Variants in AFG3L2 observed in about 807,000 individuals in gnomAD.
AFG3L2 encodes mitochondrial inner membrane m-AAA protease component AFG3L2.
In AFG3L2, 54 loss-of-function variants were observed where a neutral mutation model predicts 94.5. The observed-to-expected ratio is 0.57, with a 90% CI of 0.46 to 0.72. The LOEUF is 0.72. AFG3L2 is among the 30% of genes least tolerant of loss of function. The probability of loss-of-function intolerance (pLI) is 0.00; values close to 1 mark genes in which losing one functional copy is unlikely to be tolerated. For missense variants in AFG3L2, 754 were observed against 994.9 expected, an observed-to-expected ratio of 0.76 and a Z score of 3.26; for synonymous variants, 377 against 365.5, an observed-to-expected ratio of 1.03 and a Z score of -0.36.
At chr18:12,348,214 C>T in intron 13 of AFG3L2, 59 bp downstream of exon 13, 1 of 1,434,148 alleles carries the variant, frequency 7.0e-7, no homozygotes, top group Non-Finnish European at 9.8e-7. Context: ...ACAGAGAAAT[C>T]CCTGGCCTCA....
In AFG3L2 at chr18:12,348,286, T is replaced by C. The variant is rs11553521; in HGVS notation, c.1650A>G (p.Glu550=). 1,248,672 of 1,612,264 alleles carry C rather than the reference T, an allele frequency of 0.77. 486,115 individuals are homozygous for C. Among genetic ancestry groups the C allele is most frequent in the Non-Finnish European group, 0.79 (927,599 of 1,178,452 alleles). Residue 550 remains glutamate (E), a synonymous_variant, in exon 13 of 17, where the codon GAA becomes GAG. Transcript: ENST00000269143. The stretch of plus-strand genomic sequence containing the variant: ...CAGTTTCCTTACCACCAATCACTCG[T>C]TCAATTGCCTGTTCAAAGTGTTTCT... ...INQKHFEQAI[E]RVIGGLEKKT...
intron 6 of AFG3L2, among the ~76,000 whole-genome samples, 188 bp downstream of exon 6, chr18:12,363,594 T>C (rs964156936): frequency 2.6e-5 from 4 of 152,294 alleles, no homozygotes; most frequent in South Asian, 2.1e-4. Context: ...ACCCAATCCC[T>C]ATATCAATAA....
chr18:12,363,391 A>T (rs1908717532), intron 6 of AFG3L2, among the ~76,000 whole-genome samples: 1 of 152,212 alleles, frequency 6.6e-6, no homozygotes, highest in Non-Finnish European at 1.5e-5. Context: ...GATGGTGGGG[A>T]TGCTTTTAAA....
At chr18:12,333,503 A>G (rs898052901) in intron 16 of AFG3L2, among the ~76,000 whole-genome samples, 1 of 150,576 alleles carries the variant, frequency 6.6e-6, no homozygotes, top group Non-Finnish European at 1.5e-5. Flanking sequence ...AGCTGGGACT[A>G]CAGATGCACA....
intron 15 of AFG3L2, 36 bp from the exon 16 acceptor site, chr18:12,337,571 T>C (rs753616024): frequency 1.2e-6 from 2 of 1,605,654 alleles, no homozygotes; most frequent in Non-Finnish European, 1.7e-6. Context: ...TTACATATGA[T>C]TGTTCTTTAA....
intron 1 of AFG3L2, among the ~76,000 whole-genome samples, chr18:12,373,295 G>T (rs1156950777): frequency 6.6e-6 from 1 of 152,156 alleles, no homozygotes; most frequent in Non-Finnish European, 1.5e-5. Context: ...ATCCATTAAG[G>T]GTGTAGATTA....
Position 12,353,012 on chromosome 18 carries a change from C to T in AFG3L2, c.1311G>A (p.Glu437=). ...QENTLNQLLV[E]MDGFNTTTNV... is the part of the protein sequence containing the mutation. ...AAAGCCTTGACCACTCACCATCCAT[C>T]TCCACCAGCAGCTGGTTGAGTGTGT... The change falls in exon 10 of 17, where the codon GAG becomes GAA. Residue 437 remains glutamate, a synonymous_variant. Coordinates refer to ENST00000269143, the MANE Select transcript of AFG3L2 (RefSeq NM_006796.3). 6.2e-7 allele frequency: 1 copy of T among 1,613,928 alleles called. No homozygotes were observed. Among genetic ancestry groups the T allele is most frequent in the South Asian group, 1.1e-5 (1 of 91,072 alleles).
chr18:12,370,914 T>C lies in AFG3L2; in HGVS notation c.227A>G (p.Tyr76Cys). 1 of 1,562,712 alleles carries C rather than the reference T, an allele frequency of 6.4e-7. No homozygotes were observed. Among genetic ancestry groups the C allele is most frequent in the Non-Finnish European group, 8.8e-7 (1 of 1,138,406 alleles). Residue 76 changes from tyrosine to cysteine, a missense_variant, in exon 3 of 17, where the codon TAC becomes TGC. Around this residue, in one of 4 missense-constraint regions of AFG3L2, gnomAD observed 236 missense variants for 214.0 expected, o/e 1.10. Transcript: ENST00000269143. ...CSRPPKGFEK[Y>C]FPNGKNGKKA... ...TTTTCCATTTTTTCCATTAGGAAAG[T>C]ATTTTTCAAATCCTGTTAGAAAAAG...
intron 13 of AFG3L2, among the ~76,000 whole-genome samples, chr18:12,347,547 T>C (rs1426581265): frequency 3.4e-5 from 3 of 88,846 alleles, no homozygotes; most frequent in South Asian, 5.0e-4. Flanking sequence ...TTTTATTTAT[T>C]ATTATTATTT....
At chr18:12,353,601 G>A (rs1439651965) in intron 9 of AFG3L2, among the ~76,000 whole-genome samples, 1 of 151,660 alleles carries the variant, frequency 6.6e-6, no homozygotes, top group Admixed American at 6.6e-5. Flanking sequence ...CACACTGTAA[G>A]GTACATTTTT....
chr18:12,329,432 TC>T lies in AFG3L2; in HGVS notation c.*132del. On this transcript the variant is annotated 3_prime_UTR_variant, in exon 17 of 17. Transcript: ENST00000269143. ...AGGCTGAAAGGACTAAGGACTCCTT[TC>T]CCCATCATTTCAGCTGGGCCAGTGG... The T allele has an allele frequency of 1.0e-6, 1 of 974,106 alleles. No individual in the cohort carries two copies. The highest frequency in any genetic ancestry group is 1.6e-6 in the Non-Finnish European group (1 of 610,534). The allele number at this position is 974,106 out of a possible 1,614,324, so 60.3% of individuals were successfully genotyped here.
chr18:12,333,352 T>TA (rs1907643683), intron 16 of AFG3L2, among the ~76,000 whole-genome samples: 1 of 131,572 alleles, frequency 7.6e-6, no homozygotes, highest in African/African-American at 2.9e-5. Flanking sequence ...TAATATATAA[T>TA]TATATATATA....
chr18:12,345,901 A>G (rs370590928), intron 13 of AFG3L2, among the ~76,000 whole-genome samples: 28 of 152,188 alleles, frequency 1.8e-4, no homozygotes, highest in African/African-American at 6.8e-4. Context: ...TCATTCAACA[A>G]TTCATTGTTT....
rs1303419083 is a variant in AFG3L2 at position 12,348,253 on chromosome 18, G to C, written c.1663+20C>G. ...TCATTTTATCAGCCTTTCCACTTGA[G>C]TTATGTTCAGTTTCCTTACCACCAA... On this transcript the variant is annotated intron_variant, in intron 13 of 16. Coordinates refer to ENST00000269143, the MANE Select transcript of AFG3L2 (RefSeq NM_006796.3). 8 of 1,582,930 alleles carry C rather than the reference G, an allele frequency of 5.1e-6. No individual in the cohort carries two copies. Among genetic ancestry groups the C allele is most frequent in the African/African-American group, 4.0e-5 (3 of 74,284 alleles).
chr18:12,361,693 C>T (rs763266633), intron 6 of AFG3L2, among the ~76,000 whole-genome samples: 1 of 152,158 alleles, frequency 6.6e-6, no homozygotes, highest in Non-Finnish European at 1.5e-5. Context: ...AACAAGTCAT[C>T]GCATATCCTT....
chr18:12,376,635 C>T (rs1031946124), intron 1 of AFG3L2, among the ~76,000 whole-genome samples: 1 of 152,256 alleles, frequency 6.6e-6, no homozygotes, highest in Non-Finnish European at 1.5e-5. Context: ...AAATTACAGA[C>T]GCCTTCGTTC....
chr18:12,365,649 G>T (rs1169391788), intron 5 of AFG3L2, among the ~76,000 whole-genome samples: 2 of 152,162 alleles, frequency 1.3e-5, no homozygotes, highest in East Asian at 3.8e-4. Flanking sequence ...TCTTAGCACA[G>T]TAGCAGCTGC....
Position 12,358,850 on chromosome 18 carries a change from G to C in AFG3L2, c.846C>G (p.Gly282=), listed in dbSNP as rs373768338. 7.4e-6 allele frequency: 12 copies of C among 1,614,092 alleles called. No homozygotes were observed. The highest frequency in any genetic ancestry group is 1.0e-5 in the Non-Finnish European group (12 of 1,180,048). The change falls in exon 8 of 17, where the codon GGC becomes GGG. Residue 282 remains glycine (G), a synonymous_variant. Transcript: ENST00000269143. ...RRGPAGIGRT[G]RGMGGLFSVG... Reference sequence around the variant, plus strand: ...CACTGAAGAGTCCGCCCATCCCTCGGCCTGTCCGGCCAATGCCAGCAGGCC... The same window carrying C: ...CACTGAAGAGTCCGCCCATCCCTCGCCCTGTCCGGCCAATGCCAGCAGGCC...
At chr18:12,350,025 G>T (rs1908264203) in intron 12 of AFG3L2, among the ~76,000 whole-genome samples, 1 of 150,278 alleles carries the variant, frequency 6.7e-6, no homozygotes, top group South Asian at 2.1e-4. Flanking sequence ...AAGTTTGATT[G>T]TCTTGAGATG....
Sources: allele counts gnomAD v4.1 joint callset (sites outside exome capture counted in the v4.1 genomes callset), GRCh38; gene constraint gnomAD v4.1.1; regional missense constraint gnomAD v4.1.1; transcripts MANE v1.5; gene names NCBI Gene and HGNC (gene_info 2026-07-23, HGNC 2026-07-21).